HDAC3: variants seen among roughly 807,000 people sequenced by gnomAD.
The protein encoded by HDAC3 is histone deacetylase 3.
A neutral mutation model predicts 62.3 loss-of-function variants in HDAC3; 21 were observed. The observed-to-expected ratio is 0.34, with a 90% confidence interval of 0.24 to 0.49. The LOEUF is 0.49. HDAC3 is among the 20% of genes least tolerant of loss of function. HDAC3 has a pLI of 0.99. For missense variants in HDAC3, 270 were observed against 556.9 expected (o/e 0.48, Z 5.19); for synonymous variants, 198 against 206.5 (o/e 0.96, Z 0.35).
At chr5:141,634,992 GCCCCACT>G in intron 2 of HDAC3, 39 bp from the exon 3 acceptor site, 1 of 1,607,422 alleles carries the variant, frequency 6.2e-7, no homozygotes, top group South Asian at 1.1e-5. Flanking sequence ...GGCAGGGTCA[GCCCCACT>G]CCACAGGCTC....
At position 141,621,394 on chromosome 5, in the gene HDAC3, A is replaced by G; in HGVS notation, c.*74T>C. The G allele has an allele frequency of 7.3e-7, 1 of 1,373,942 alleles. No individual in the cohort carries two copies. Among genetic ancestry groups the G allele is most frequent in the Non-Finnish European group, 1.0e-6 (1 of 961,844 alleles). 85.1% of individuals were successfully genotyped at this position (1,373,942 alleles called of 1,614,324 possible). ...CTGGGGTGACCCCCAGGACTCTAGG[A>G]GCCACTCCTTTTCCCTCCAGCCCAA... On this transcript the variant is annotated 3_prime_UTR_variant, in exon 15 of 15. Coordinates refer to ENST00000305264, the MANE Select transcript of HDAC3 (RefSeq NM_003883.4).
Position 141,629,472 on chromosome 5 carries a change from G to A in HDAC3, c.477-166C>T. ...ACTGGGGGCTCCAGCCTAGAGGCTA[G>A]AGGCAGGGACAGGAGAGGGATATGC... On this transcript the variant is annotated intron_variant, in intron 6 of 14. Transcript: ENST00000305264. This position sits in a 1 kb window ranked among gnomAD's most constrained non-coding sequence, Gnocchi z 5.3. The A allele has an allele frequency of 4.0e-6, 4 of 1,005,288 alleles. No homozygotes were observed. The highest frequency in any genetic ancestry group is 5.9e-6 in the Non-Finnish European group (4 of 675,750). 62.3% of individuals were successfully genotyped at this position (1,005,288 alleles called of 1,614,324 possible).
At chr5:141,634,618 G>A (rs917540009) in intron 3 of HDAC3, among the ~76,000 whole-genome samples, 193 bp downstream of exon 3, 2 of 152,142 alleles carry the variant, frequency 1.3e-5, no homozygotes, top group Admixed American at 6.5e-5. Context: ...GTTCATCACT[G>A]CATTCCCAGC....
In HDAC3 at chr5:141,636,810, C is replaced by T. The variant is rs201600484; in HGVS notation, c.-20G>A. ...GGCCATGGTGCCGGCGGGAGCAGGCCCCGCACCTCCGCCGCCCGCCGCCCG... is the reference window on the plus strand; with the variant it reads ...GGCCATGGTGCCGGCGGGAGCAGGCTCCGCACCTCCGCCGCCCGCCGCCCG... On this transcript the variant is annotated 5_prime_UTR_variant, in exon 1 of 15. Coordinates refer to ENST00000305264, the MANE Select transcript of HDAC3 (RefSeq NM_003883.4). 1.6e-3 allele frequency: 2,509 copies of T among 1,529,862 alleles called. 1 individual carries two copies. Among genetic ancestry groups the T allele is most frequent in the Non-Finnish European group, 2.0e-3 (2,319 of 1,142,336 alleles). The allele number at this position is 1,529,862 out of a possible 1,614,324, so 94.8% of individuals were successfully genotyped here.
rs766723656 is a variant in HDAC3, at chr5:141,628,076, C to T, written c.765+38G>A. On this transcript the variant is annotated intron_variant, in intron 9 of 14. Coordinates refer to ENST00000305264, the MANE Select transcript of HDAC3 (RefSeq NM_003883.4). The surrounding 1 kb of genome is among the most constrained non-coding windows in gnomAD (Gnocchi z 4.7). ...TTCCCTTGCTCTCTTTCCCCAAGCC[C>T]AGGCAGAACACTCCTGAGGAGGAAC... 4.5e-5 allele frequency: 72 copies of T among 1,608,882 alleles called. No individual in the cohort carries two copies. In the Admixed American group the frequency reaches 1.2e-3, roughly 26 times the overall value.
chr5:141,631,069 A>G (rs1186057304), intron 3 of HDAC3, among the ~76,000 whole-genome samples: 2 of 152,094 alleles, frequency 1.3e-5, no homozygotes, highest in African/African-American at 4.8e-5. Flanking sequence ...AGTTATACCT[A>G]TATAAACCTG....
In HDAC3 at chr5:141,628,594, A is replaced by C; in HGVS notation, c.656T>G (p.Leu219Arg). Reference protein sequence around the residue: ...VGAESGRYYCLNVPLRDGIDD... With the variant: ...VGAESGRYYCRNVPLRDGIDD... Reference sequence around the variant, plus strand: ...AATGCCATCCCGCAGGGGCACGTTCAGACAGTAGTAGCGGCCACTCTCTGC... The same window carrying C: ...AATGCCATCCCGCAGGGGCACGTTCCGACAGTAGTAGCGGCCACTCTCTGC... The change falls in exon 8 of 15, where the codon CTG (leucine) becomes CGG (arginine). Residue 219 changes from leucine (L) to arginine (R), a missense_variant. Coordinates refer to ENST00000305264, the MANE Select transcript of HDAC3 (RefSeq NM_003883.4). The surrounding 1 kb of genome is among the most constrained non-coding windows in gnomAD (Gnocchi z 4.7). 1 of 1,614,150 alleles carries C rather than the reference A, an allele frequency of 6.2e-7. No individual in the cohort carries two copies. The highest frequency in any genetic ancestry group is 8.5e-7 in the Non-Finnish European group (1 of 1,180,008).
At position 141,628,710 on chromosome 5, in the gene HDAC3, G is replaced by A; in HGVS notation, c.611-71C>T. 1 of 1,112,834 alleles carries A rather than the reference G, an allele frequency of 9.0e-7. No homozygotes were observed. Among genetic ancestry groups the A allele is most frequent in the South Asian group, 1.3e-5 (1 of 79,442 alleles). 68.9% of individuals were successfully genotyped at this position (1,112,834 alleles called of 1,614,324 possible). Reference sequence around the variant, plus strand: ...AACCCAGCTGTTTCAGCCCCAATCTGCACTCTGGGAGCCTCTCATTCCATC... The same window carrying A: ...AACCCAGCTGTTTCAGCCCCAATCTACACTCTGGGAGCCTCTCATTCCATC... On this transcript the variant is annotated intron_variant, in intron 7 of 14. Transcript: ENST00000305264. This position sits in a 1 kb window ranked among gnomAD's most constrained non-coding sequence, Gnocchi z 4.7.
In HDAC3 at chr5:141,629,795, C is replaced by G; in HGVS notation, c.421-56G>C. 1 of 1,611,926 alleles carries G rather than the reference C, an allele frequency of 6.2e-7. No individual in the cohort carries two copies. On this transcript the variant is annotated intron_variant, in intron 5 of 14. Transcript: ENST00000305264. The surrounding 1 kb of genome is among the most constrained non-coding windows in gnomAD (Gnocchi z 5.3). ...AGAGCAATTCCCCTCCCAGCTGCCC[C>G]CCACCATCATCCTAAACACCTACCC...
At chr5:141,636,132 G>T in intron 2 of HDAC3, 1 of 197,246 alleles carries the variant, frequency 5.1e-6, no homozygotes, top group Non-Finnish European at 1.1e-5. Context: ...CTCCTTGGAG[G>T]TAAAGAAAGG....
Position 141,629,258 on chromosome 5 carries a change from G to A in HDAC3, c.525C>T (p.Asp175=), listed in dbSNP as rs565670326. Residue 175 remains aspartate (D), a synonymous_variant, in exon 7 of 15, where the codon GAC becomes GAT. Transcript: ENST00000305264. This position sits in a 1 kb window ranked among gnomAD's most constrained non-coding sequence, Gnocchi z 5.3. ...LYIDIDIHHG[D]GVQEAFYLTD... ...TGAGGTAGAAAGCTTCTTGAACCCC[G>A]TCACCATGGTGGATGTCAATGTCAA... The A allele has an allele frequency of 2.3e-5, 37 of 1,614,170 alleles. No individual in the cohort carries two copies. Among genetic ancestry groups the A allele is most frequent in the Middle Eastern group, 1.6e-4 (1 of 6,062 alleles).
rs150406702 is a variant in HDAC3, at chr5:141,634,936, C to T, written c.156G>A (p.Gln52=). Reference sequence around the variant, plus strand: ...AGCGGCACATGTCATGTTGGGAGGCCTGGTATGGCTTGAAGACCTCGGGAT... The same window carrying T: ...AGCGGCACATGTCATGTTGGGAGGCTTGGTATGGCTTGAAGACCTCGGGAT... ...YKKMIVFKPY[Q]ASQHDMCRFH... The change falls in exon 3 of 15, where the codon CAG becomes CAA. Residue 52 remains glutamine, a synonymous_variant. Coordinates refer to ENST00000305264, the MANE Select transcript of HDAC3 (RefSeq NM_003883.4). 19 of 1,613,824 alleles carry T rather than the reference C, an allele frequency of 1.2e-5. No homozygotes were observed. The highest frequency in any genetic ancestry group is 3.3e-5 in the Admixed American group (2 of 59,980).
chr5:141,628,617 T>C lies in HDAC3; in HGVS notation c.633A>G (p.Ala211=). Residue 211 remains alanine (A), a synonymous_variant, in exon 8 of 15, where the codon GCA becomes GCG. Transcript: ENST00000305264. This position sits in a 1 kb window ranked among gnomAD's most constrained non-coding sequence, Gnocchi z 4.7. ...PGTGDMYEVG[A]ESGRYYCLNV... ...TCAGACAGTAGTAGCGGCCACTCTC[T>C]GCCCCGACTTCATACATGTCACCTG... 1 of 1,614,114 alleles carries C rather than the reference T, an allele frequency of 6.2e-7. No individual in the cohort carries two copies. The highest frequency in any genetic ancestry group is 8.5e-7 in the Non-Finnish European group (1 of 1,180,002).
At chr5:141,636,298 C>A (rs2099905994) in intron 2 of HDAC3, 1 of 551,342 alleles carries the variant, frequency 1.8e-6, no homozygotes, top group East Asian at 3.0e-5. Flanking sequence ...CCACATCACG[C>A]TAACCCTAGG....
intron 14 of HDAC3, among the ~76,000 whole-genome samples, chr5:141,624,130 A>T (rs2099904094): frequency 6.6e-6 from 1 of 151,516 alleles, no homozygotes; most frequent in Non-Finnish European, 1.5e-5. Context: ...AGCCTTAGAG[A>T]GTATTACGCA....
intron 3 of HDAC3, among the ~76,000 whole-genome samples, chr5:141,631,297 TGTAGGGTTTTATA>T (rs1297265533): frequency 6.6e-6 from 1 of 152,118 alleles, no homozygotes; most frequent in African/African-American, 2.4e-5. Flanking sequence ...AAGCAAGAAT[TGTAGGGTTTTATA>T]GTTTCTCAAA....
Position 141,626,146 on chromosome 5 carries a change from C to G in HDAC3, c.920+48G>C, listed in dbSNP as rs539527387. 6.2e-7 allele frequency: 1 copy of G among 1,606,608 alleles called. No homozygotes were observed. Among genetic ancestry groups the G allele is most frequent in the South Asian group, 1.1e-5 (1 of 90,902 alleles). On this transcript the variant is annotated intron_variant, in intron 11 of 14. Transcript: ENST00000305264. This position sits in a 1 kb window ranked among gnomAD's most constrained non-coding sequence, Gnocchi z 4.6. ...CCCATGTGGCCATATCTGAGGGACA[C>G]CCTAGCTCACACTGGACAACAGGGG...
Position 141,625,613 on chromosome 5 carries a change from C to G in HDAC3, c.1059+72G>C. 6.9e-7 allele frequency: 1 copy of G among 1,456,006 alleles called. No individual in the cohort carries two copies. Among genetic ancestry groups the G allele is most frequent in the Middle Eastern group, 1.7e-4 (1 of 5,740 alleles). 90.2% of individuals were successfully genotyped at this position (1,456,006 alleles called of 1,614,324 possible). On this transcript the variant is annotated intron_variant, in intron 13 of 14. Coordinates refer to ENST00000305264, the MANE Select transcript of HDAC3 (RefSeq NM_003883.4). This position sits in a 1 kb window ranked among gnomAD's most constrained non-coding sequence, Gnocchi z 4.0. ...TCCTTCTCTTTGGTTTTTCCTACTT[C>G]CCACATCTTTGACCTCTCCTGGGCT...
At chr5:141,634,192 T>TA (rs965235254) in intron 3 of HDAC3, among the ~76,000 whole-genome samples, 167 of 152,340 alleles carry the variant, frequency 1.1e-3, no homozygotes, top group African/African-American at 4.0e-3. Flanking sequence ...CCTTGCTTTT[T>TA]AAAACACTTT....
Sources: allele counts gnomAD v4.1 joint callset (sites outside exome capture counted in the v4.1 genomes callset), GRCh38; gene constraint gnomAD v4.1.1; non-coding constraint Gnocchi (gnomAD v3.1); transcripts MANE v1.5; gene names NCBI Gene and HGNC (gene_info 2026-07-23, HGNC 2026-07-21).